DEPTOR: variants seen among roughly 807,000 people sequenced by gnomAD.
The protein encoded by DEPTOR is DEP domain containing MTOR interacting protein, also known as DEP domain-containing mTOR-interacting protein.
Under a neutral mutation model 41.6 loss-of-function variants are expected in DEPTOR, and 41 were observed. The observed-to-expected ratio is 0.98, with a 90% CI of 0.77 to 1.28. DEPTOR has a LOEUF of 1.28. Among genes scored for constraint, DEPTOR ranks in the 50% most tolerant of loss-of-function variants. DEPTOR has a pLI of 0.00. For missense variants in DEPTOR, 514 were observed against 527.9 expected (o/e 0.97, Z 0.26); for synonymous variants, 195 against 192.3 (o/e 1.01, Z -0.12).
intron 4 of DEPTOR, among the ~76,000 whole-genome samples, chr8:119,985,119 G>A (rs564888094): frequency 5.1e-4 from 78 of 152,304 alleles, no homozygotes; most frequent in African/African-American, 1.8e-3. Flanking sequence ...GTTGCAGTGA[G>A]CCAAGATCAC....
In DEPTOR at chr8:119,873,725, C is replaced by T. The variant is rs990324360; in HGVS notation, c.-122C>T. The T allele has an allele frequency of 5.7e-6, 8 of 1,398,990 alleles. No homozygotes were observed. The Middle Eastern group carries it at 7.7e-4, about 135-fold the overall frequency. 86.7% of individuals were successfully genotyped at this position (1,398,990 alleles called of 1,614,324 possible). A position where few individuals can be genotyped will look rare whatever the true frequency, so the allele number is the denominator to read the frequency against. ...GGATTCCCTCTCCAGCCAATCCAGT[C>T]AGAGCAGCGGAGCTGCCCCGAACAA... On this transcript the variant is annotated 5_prime_UTR_variant, in exon 1 of 9. Transcript: ENST00000286234.
intron 1 of DEPTOR, among the ~76,000 whole-genome samples, chr8:119,918,116 G>C (rs1475309483): frequency 1.3e-5 from 2 of 152,088 alleles, no homozygotes; most frequent in African/African-American, 4.8e-5. Context: ...AGAGGCTGGC[G>C]TGGATCCTCT....
intron 8 of DEPTOR, among the ~76,000 whole-genome samples, chr8:120,027,276 A>G (rs1195206900): frequency 3.2e-5 from 4 of 126,058 alleles, no homozygotes; most frequent in Non-Finnish European, 5.2e-5. Context: ...TTCTTTTGTA[A>G]AACATTTGTC....
At chr8:119,939,190 G>A (rs1828168800) in intron 3 of DEPTOR, among the ~76,000 whole-genome samples, 1 of 152,180 alleles carries the variant, frequency 6.6e-6, no homozygotes, top group African/African-American at 2.4e-5. Context: ...GTCATTTAAA[G>A]TATGTCAAAG....
rs573144244 is a variant in DEPTOR at position 119,955,388 on chromosome 8, G to T, written c.426-9844G>T. ...AAGCCTATGGAAACTTGCTACTTACGTTTTCTTTCAAACATAGGAGTTTTA... is the reference window on the plus strand; with the variant it reads ...AAGCCTATGGAAACTTGCTACTTACTTTTTCTTTCAAACATAGGAGTTTTA... On this transcript the variant is annotated intron_variant, in intron 3 of 8. Coordinates refer to ENST00000286234, the MANE Select transcript of DEPTOR (RefSeq NM_022783.4). Among the ~76,000 whole-genome samples, 7 of 151,822 alleles carry T rather than the reference G, an allele frequency of 4.6e-5. No homozygotes were observed. In the South Asian group the frequency reaches 6.2e-4, roughly 14 times the overall value.
At chr8:120,024,328 A>AT (rs1441221799) in intron 8 of DEPTOR, among the ~76,000 whole-genome samples, 1 of 152,140 alleles carries the variant, frequency 6.6e-6, no homozygotes, top group Non-Finnish European at 1.5e-5. Flanking sequence ...ATAACCACAC[A>AT]TGGGTGTACT....
chr8:120,010,179 C>A (rs1041598562), intron 8 of DEPTOR, among the ~76,000 whole-genome samples: 1 of 150,362 alleles, frequency 6.7e-6, no homozygotes, highest in African/African-American at 2.5e-5. Context: ...AAATGACAAT[C>A]ATACTATTTC....
chr8:119,925,430 GAAC>G (rs1750496064), intron 1 of DEPTOR, among the ~76,000 whole-genome samples: 7 of 151,646 alleles, frequency 4.6e-5, no homozygotes, highest in Admixed American at 4.6e-4. Flanking sequence ...ACAACAACGA[GAAC>G]AACAACAAAA....
At chr8:119,884,465 G>T (rs116431089) in intron 1 of DEPTOR, among the ~76,000 whole-genome samples, 2,827 of 152,248 alleles carry the variant, frequency 0.019, 87 homozygotes, top group African/African-American at 0.063. Flanking sequence ...AGAAGACAGT[G>T]TAGTGGGGGG....
chr8:120,032,484 G>A (rs2130175808), intron 8 of DEPTOR, among the ~76,000 whole-genome samples: 1 of 152,260 alleles, frequency 6.6e-6, no homozygotes, highest in East Asian at 1.9e-4. Flanking sequence ...GCCTCCCAAA[G>A]TGCTGGGATT....
intron 8 of DEPTOR, among the ~76,000 whole-genome samples, chr8:120,020,974 A>C (rs1002430602): frequency 6.6e-6 from 1 of 151,762 alleles, no homozygotes; most frequent in Non-Finnish European, 1.5e-5. Context: ...CAAGAGAATC[A>C]CTCGAACCTT....
chr8:120,006,541 T>C (rs1381238776), intron 6 of DEPTOR, among the ~76,000 whole-genome samples: 7 of 151,266 alleles, frequency 4.6e-5, no homozygotes, highest in African/African-American at 1.7e-4. Flanking sequence ...AAAAAAAAAA[T>C]TGACCTGCCC....
intron 4 of DEPTOR, among the ~76,000 whole-genome samples, chr8:119,976,228 AGAAATGGAG>A (rs1205102960): frequency 6.6e-6 from 1 of 152,104 alleles, no homozygotes; most frequent in Non-Finnish European, 1.5e-5. Flanking sequence ...GTCAAGAAGA[AGAAATGGAG>A]GAGACTTCTT....
chr8:119,939,847 T>C (rs1828178804), intron 3 of DEPTOR, among the ~76,000 whole-genome samples: 1 of 152,066 alleles, frequency 6.6e-6, no homozygotes, highest in Non-Finnish European at 1.5e-5. Context: ...ATTAGAACCC[T>C]TGTGCATTGC....
intron 3 of DEPTOR, among the ~76,000 whole-genome samples, chr8:119,964,515 C>CAAAAAAAAAAAA (rs536731714): frequency 1.6e-5 from 2 of 121,690 alleles, no homozygotes; most frequent in African/African-American, 6.6e-5. Flanking sequence ...AAGCCCGTCT[C>CAAAAAAAAAAAA]AAAAAAAAAA....
intron 1 of DEPTOR, among the ~76,000 whole-genome samples, chr8:119,910,141 A>C (rs1827718737): frequency 6.6e-6 from 1 of 152,248 alleles, no homozygotes; most frequent in African/African-American, 2.4e-5. Context: ...ATATACCAAG[A>C]GTATTCAGGG....
chr8:119,928,356 G>T, intron 1 of DEPTOR, 44 bp from the exon 2 acceptor site: 1 of 1,589,480 alleles, frequency 6.3e-7, no homozygotes, highest in Non-Finnish European at 8.6e-7. Flanking sequence ...AATAATTTGT[G>T]CTGTCATCAG....
intron 3 of DEPTOR, among the ~76,000 whole-genome samples, chr8:119,943,953 T>G (rs1010006851): frequency 6.6e-6 from 1 of 152,174 alleles, no homozygotes; most frequent in African/African-American, 2.4e-5. Flanking sequence ...TTCTCCTGCC[T>G]CAGCCTCCCG....
intron 3 of DEPTOR, among the ~76,000 whole-genome samples, chr8:119,951,072 AAC>A (rs35455263): frequency 0.011 from 1,558 of 141,396 alleles, 13 homozygotes; most frequent in African/African-American, 0.028. Context: ...CACACACACA[AAC>A]ACACACACAC....
Sources: gnomAD v4.1 joint callset for allele counts (sites outside exome capture counted in the v4.1 genomes callset) on GRCh38, gnomAD v4.1.1 for gene constraint, MANE v1.5 for transcripts, NCBI Gene and HGNC (gene_info 2026-07-23, HGNC 2026-07-21) for gene names.